Variants in USP30 observed in about 807,000 individuals in gnomAD.
USP30 encodes the protein ubiquitin specific peptidase 30.
USP30 carries 41 observed loss-of-function variants against 68.2 expected under a neutral mutation model. The ratio of observed to expected loss-of-function variants is 0.60; its 90% CI spans 0.47 to 0.78. The LOEUF (loss-of-function observed/expected upper bound fraction) is 0.78, where lower values mean the gene tolerates loss of function less well. Ranked by LOEUF, USP30 falls within the 30% of genes least tolerant of loss-of-function variation. The pLI is 0.00. For missense variants in USP30, 522 were observed against 649.4 expected (o/e 0.80, Z 2.13); for synonymous variants, 229 against 253.7 (o/e 0.90, Z 0.93).
At position 109,085,108 on chromosome 12, in the gene USP30, A is replaced by G. The variant is rs201467206; in HGVS notation, c.1289+35A>G. 9 of 1,441,268 alleles carry G rather than the reference A, an allele frequency of 6.2e-6. No individual in the cohort carries two copies. The Admixed American group carries it at 1.7e-4, about 28-fold the overall frequency. 89.3% of individuals were successfully genotyped at this position (1,441,268 alleles called of 1,614,324 possible). A position where few individuals can be genotyped will look rare whatever the true frequency, so the allele number is the denominator to read the frequency against. On this transcript the variant is annotated intron_variant, in intron 12 of 12. Transcript: ENST00000257548. ...CCTTTACAAGCCCCATCTTAGAGCTACCACTGCTCTTAGCTTCTAAAATTA... is the reference window on the plus strand; with the variant it reads ...CCTTTACAAGCCCCATCTTAGAGCTGCCACTGCTCTTAGCTTCTAAAATTA...
intron 3 of USP30, among the ~76,000 whole-genome samples, chr12:109,037,441 T>C (rs2040529773): frequency 6.6e-6 from 1 of 152,214 alleles, no homozygotes; most frequent in Non-Finnish European, 1.5e-5. Flanking sequence ...TTACTGTTTT[T>C]CCCCCTGTGC....
chr12:109,071,605 A>G lies in USP30; in HGVS notation c.481-7A>G. ...ACCTCTCTAAAGAATGCTTTGCCCT[A>G]TGACAGGATGCTCACGAATTATTCC... On this transcript the variant is annotated splice_polypyrimidine_tract_variant and splice_region_variant and intron_variant, in intron 4 of 12. Coordinates refer to ENST00000257548, the MANE Select transcript of USP30 (RefSeq NM_032663.5). 1.9e-6 allele frequency: 3 copies of G among 1,613,782 alleles called. No individual in the cohort carries two copies. The highest frequency in any genetic ancestry group is 2.5e-6 in the Non-Finnish European group (3 of 1,179,710).
rs563784202 is a variant in USP30, at chr12:109,038,210, C to G, written c.-135-9380C>G. 2.2e-4 allele frequency among the ~76,000 whole-genome samples: 29 copies of G among 134,402 alleles called. No individual in the cohort carries two copies. In the East Asian group the frequency reaches 6.8e-3, roughly 32 times the overall value. 88.2% of individuals were successfully genotyped at this position (134,402 alleles called of 152,430 possible). A position where few individuals can be genotyped will look rare whatever the true frequency, so the allele number is the denominator to read the frequency against. On this transcript the variant is annotated intron_variant, in intron 3 of 15. Coordinates refer to the USP30 transcript ENST00000392784. ...CCCAGTGTATGTTGGTTCCCGCCCC[C>G]CTCCCCACCTGCCAGTTTCCATGTG... is the stretch of plus-strand genomic sequence containing the variant.
At position 109,067,107 on chromosome 12, in the gene USP30, A is replaced by ATTT. The variant is rs754748366; in HGVS notation, c.377-395_377-393dup. 1.4e-3 allele frequency among the ~76,000 whole-genome samples: 147 copies of ATTT among 104,566 alleles called. 1 individual carries two copies. The highest frequency in any genetic ancestry group is 3.6e-3 in the African/African-American group (87 of 24,018). 68.6% of individuals were successfully genotyped at this position (104,566 alleles called of 152,430 possible). On this transcript the variant is annotated intron_variant, in intron 3 of 12. Transcript: ENST00000257548. ...TCTAAGGTTAATCCTACAGTCCTTAATTTTTTTTTTTTTTTTTTTTTTTTG... is the reference window on the plus strand; with the variant it reads ...TCTAAGGTTAATCCTACAGTCCTTAATTTTTTTTTTTTTTTTTTTTTTTTTTTG...
At chr12:109,042,028 A>T in intron 3 of USP30, among the ~76,000 whole-genome samples, 1 of 152,066 alleles carries the variant, frequency 6.6e-6, no homozygotes, top group African/African-American at 2.4e-5. Flanking sequence ...AATTAAAATT[A>T]CTAGTAATTT....
At position 109,086,521 on chromosome 12, in the gene USP30, A is replaced by T. The variant is rs188518733; in HGVS notation, c.*590A>T. 6.6e-6 allele frequency: 1 copy of T among 152,600 alleles called. No homozygotes were observed. The highest frequency in any genetic ancestry group is 1.5e-5 in the Non-Finnish European group (1 of 68,378). The allele number at this position is 152,600 out of a possible 1,614,324, so 9.5% of individuals were successfully genotyped here. ...TTTCTATGCCTTTTCTAATCTTTCA[A>T]TTCTTTCTATGGAGTAAAGGCTCAT... On this transcript the variant is annotated 3_prime_UTR_variant, in exon 13 of 13. Coordinates refer to ENST00000257548, the MANE Select transcript of USP30 (RefSeq NM_032663.5).
intron 3 of USP30, among the ~76,000 whole-genome samples, chr12:109,064,019 G>A (rs1593259671): frequency 6.6e-6 from 1 of 151,856 alleles, no homozygotes; most frequent in Middle Eastern, 3.4e-3. Context: ...GACTACAGGT[G>A]CATGCCACCA....
At chr12:109,065,330 C>T (rs1277515230) in intron 3 of USP30, among the ~76,000 whole-genome samples, 2 of 152,226 alleles carry the variant, frequency 1.3e-5, no homozygotes, top group Non-Finnish European at 2.9e-5. Flanking sequence ...AAATCCAGCC[C>T]ACCACCTGTT....
chr12:109,055,400 A>ATATATATATTTTTT lies in USP30; in HGVS notation c.84-1281_84-1280insATATATATTTTTTT, dbSNP rs1298811530. ...TATACATATATATATATATATATAT[A>ATATATATATTTTTT]TTTTTTTTTTTTTTTTTTTTGAGGC... On this transcript the variant is annotated intron_variant, in intron 1 of 12. Transcript: ENST00000257548. Among the ~76,000 whole-genome samples, 21 of 24,474 alleles carry ATATATATATTTTTT rather than the reference A, an allele frequency of 8.6e-4. 1 individual carries two copies. Among genetic ancestry groups the ATATATATATTTTTT allele is most frequent in the African/African-American group, 2.2e-3 (20 of 9,022 alleles). 16.1% of individuals were successfully genotyped at this position (24,474 alleles called of 152,430 possible). A position where few individuals can be genotyped will look rare whatever the true frequency, so the allele number is the denominator to read the frequency against.
chr12:109,071,700 A>T lies in USP30; in HGVS notation c.569A>T (p.His190Leu). Residue 190 changes from histidine (H) to leucine (L), a missense_variant, in exon 5 of 13, where the codon CAT becomes CTT. Transcript: ENST00000257548. The stretch of plus-strand genomic sequence containing the variant: ...CGGGTCACACATTTGTTTGATGTGC[A>T]TTCCCTGGAGGTAAACCATTAATAT... ...QPRVTHLFDV[H>L]SLEQQSEITP... The T allele has an allele frequency of 6.2e-7, 1 of 1,614,118 alleles. No homozygotes were observed. Among genetic ancestry groups the T allele is most frequent in the Non-Finnish European group, 8.5e-7 (1 of 1,179,950 alleles).
intron 1 of USP30, among the ~76,000 whole-genome samples, chr12:109,053,429 C>T (rs2135697464): frequency 6.6e-6 from 1 of 152,156 alleles, no homozygotes; most frequent in Admixed American, 6.5e-5. Flanking sequence ...GTTAGGACTC[C>T]TCGATTGCCT....
At chr12:109,066,364 T>G (rs1413968623) in intron 3 of USP30, among the ~76,000 whole-genome samples, 1 of 151,960 alleles carries the variant, frequency 6.6e-6, no homozygotes, top group Non-Finnish European at 1.5e-5. Flanking sequence ...CAAACTTTTA[T>G]TAGGCCTGAT....
At chr12:109,064,856 C>T (rs2041197404) in intron 3 of USP30, among the ~76,000 whole-genome samples, 1 of 150,072 alleles carries the variant, frequency 6.7e-6, no homozygotes, top group Non-Finnish European at 1.5e-5. Context: ...TTAAAATTTT[C>T]CTTTGGGGGG....
intron 3 of USP30, among the ~76,000 whole-genome samples, chr12:109,033,923 G>A (rs2040500642): frequency 6.6e-6 from 1 of 152,200 alleles, no homozygotes; most frequent in African/African-American, 2.4e-5. Context: ...AGGCCAAAAA[G>A]GGCAGAGAGA....
At chr12:109,051,264 T>C (rs2040667136), upstream of USP30, among the ~76,000 whole-genome samples, 1 of 145,196 alleles carries the variant, frequency 6.9e-6, no homozygotes, top group Non-Finnish European at 1.5e-5. Context: ...TTTTTTTTTT[T>C]TTTTTTTTTT....
Position 109,060,823 on chromosome 12 carries a change from T to A in USP30, c.376+2715T>A, listed in dbSNP as rs1205103792. 2.6e-5 allele frequency among the ~76,000 whole-genome samples: 4 copies of A among 152,174 alleles called. No individual in the cohort carries two copies. In the East Asian group the frequency reaches 7.7e-4, roughly 29 times the overall value. ...GCATGCCCCACCACGCCTGGCTAGT[T>A]TTTGTATTTTTAGTAGAGACAGGGT... On this transcript the variant is annotated intron_variant, in intron 3 of 12. Coordinates refer to ENST00000257548, the MANE Select transcript of USP30 (RefSeq NM_032663.5).
At chr12:109,081,618 T>G in intron 8 of USP30, 2 of 502,852 alleles carry the variant, frequency 4.0e-6, no homozygotes. Context: ...CACGCACGCA[T>G]GCGCGCACAC....
intron 8 of USP30, 169 bp from the exon 9 acceptor site, chr12:109,081,764 T>C (rs2041810251): frequency 1.5e-6 from 1 of 679,212 alleles, no homozygotes; most frequent in East Asian, 2.7e-5. Context: ...AGTAGCAGTC[T>C]AGGGTGCTTT....
intron 3 of USP30, among the ~76,000 whole-genome samples, chr12:109,060,350 GCTCT>G (rs1180548603): frequency 1.3e-5 from 2 of 152,120 alleles, no homozygotes; most frequent in East Asian, 3.8e-4. Flanking sequence ...AGCATATATT[GCTCT>G]CACTGTAAGG....
Sources: gnomAD v4.1 joint callset for allele counts (sites outside exome capture counted in the v4.1 genomes callset) on GRCh38, gnomAD v4.1.1 for gene constraint, MANE v1.5 for transcripts, NCBI Gene and HGNC (gene_info 2026-07-23, HGNC 2026-07-21) for gene names.